Variants in TRIP12 observed in about 807,000 individuals in gnomAD.
TRIP12 encodes the protein thyroid hormone receptor interactor 12, also known as E3 ubiquitin-protein ligase TRIP12.
TRIP12 carries 25 observed loss-of-function variants against 244.2 expected under a neutral mutation model. That is an observed-to-expected ratio of 0.10 (90% confidence interval 0.07 to 0.14). The LOEUF (loss-of-function observed/expected upper bound fraction) is 0.14. Among genes scored for constraint, TRIP12 ranks in the 10% least tolerant of loss-of-function variants. The pLI is 1.00. For missense variants in TRIP12, 1,677 were observed against 2,486.4 expected, an observed-to-expected ratio of 0.67 and a Z score of 6.92; for synonymous variants, 905 against 873.1, an observed-to-expected ratio of 1.04 and a Z score of -0.64.
chr2:229,870,229 C>A (rs2062303789), intron 2 of TRIP12, among the ~76,000 whole-genome samples: 1 of 152,200 alleles, frequency 6.6e-6, no homozygotes, highest in African/African-American at 2.4e-5. Flanking sequence ...TTTATTGCCA[C>A]CTCCATGAAA....
intron 4 of TRIP12, among the ~76,000 whole-genome samples, chr2:229,847,824 C>T (rs2057882583): frequency 6.6e-6 from 1 of 152,038 alleles, no homozygotes; most frequent in African/African-American, 2.4e-5. Context: ...CTCCTGGTTC[C>T]AGCAAAAAAC....
upstream of TRIP12, chr2:229,922,608 A>G (rs1379443271): frequency 8.7e-6 from 14 of 1,613,794 alleles, no homozygotes; most frequent in African/African-American, 1.3e-5. Context: ...ACCCGGTCTC[A>G]GGCAAGTGCG....
intron 19 of TRIP12, 77 bp downstream of exon 19, chr2:229,803,922 T>C (rs988854212): frequency 3.8e-6 from 5 of 1,313,722 alleles, no homozygotes; most frequent in Non-Finnish European, 5.2e-6. Context: ...TTTTTTCTAT[T>C]ATTACTTTAG....
chr2:229,920,729 T>A (rs1260422113), intron 1 of TRIP12, among the ~76,000 whole-genome samples: 1 of 152,044 alleles, frequency 6.6e-6, no homozygotes, highest in African/African-American at 2.4e-5. Flanking sequence ...CCGATTTACA[T>A]GTGTTTTTAT....
chr2:229,920,491 TACAC>T, intron 1 of TRIP12, among the ~76,000 whole-genome samples: 1 of 152,138 alleles, frequency 6.6e-6, no homozygotes, highest in Middle Eastern at 3.4e-3. Flanking sequence ...GCCCAACCTT[TACAC>T]ACAAACACAT....
At chr2:229,848,331 C>T (rs1309921810) in intron 4 of TRIP12, among the ~76,000 whole-genome samples, 6 of 135,446 alleles carry the variant, frequency 4.4e-5, no homozygotes, top group Non-Finnish European at 9.5e-5. Context: ...CCCCCGCCCC[C>T]CCCACACACA....
chr2:229,765,758 A>G lies in TRIP12; in HGVS notation c.*1796T>C, dbSNP rs929070135. Reference sequence around the variant, plus strand: ...TTGTTTCAGTCTTTAACTTCACTTGATGAAGCTGCTCAGCAACTGTGCTGT... The same window carrying G: ...TTGTTTCAGTCTTTAACTTCACTTGGTGAAGCTGCTCAGCAACTGTGCTGT... On this transcript the variant is annotated 3_prime_UTR_variant, in exon 42 of 42. Transcript: ENST00000675903. 1.3e-5 allele frequency: 2 copies of G among 152,230 alleles called. No individual in the cohort carries two copies. The highest frequency in any genetic ancestry group is 3.8e-4 in the East Asian group (2 of 5,196). 9.4% of individuals were successfully genotyped at this position (152,230 alleles called of 1,614,324 possible). A position where few individuals can be genotyped will look rare whatever the true frequency, so the allele number is the denominator to read the frequency against.
At chr2:229,895,456 T>C (rs1272116866) in intron 1 of TRIP12, among the ~76,000 whole-genome samples, 2 of 150,562 alleles carry the variant, frequency 1.3e-5, no homozygotes, top group East Asian at 3.9e-4. Flanking sequence ...AACCAGTAAA[T>C]GATATGAATC....
chr2:229,922,554 G>A (rs2076761020), upstream of TRIP12: 3 of 1,614,052 alleles, frequency 1.9e-6, no homozygotes, highest in East Asian at 2.2e-5. Context: ...GAAACTGTAG[G>A]ACAAGGCCCG....
At chr2:229,827,900 C>T (rs2052181391) in intron 8 of TRIP12, among the ~76,000 whole-genome samples, 1 of 152,104 alleles carries the variant, frequency 6.6e-6, no homozygotes, top group South Asian at 2.1e-4. Context: ...GACAATTCTT[C>T]TTCTTCCAAT....
intron 7 of TRIP12, 58 bp from the exon 8 acceptor site, chr2:229,829,346 T>C: frequency 7.2e-7 from 1 of 1,396,272 alleles, no homozygotes; most frequent in Middle Eastern, 1.8e-4. Flanking sequence ...AACTGATGTA[T>C]CTAAAAATTT....
At chr2:229,871,907 T>C (rs114287513) in intron 2 of TRIP12, among the ~76,000 whole-genome samples, 1,652 of 152,046 alleles carry the variant, frequency 0.011, 17 homozygotes, top group Middle Eastern at 0.02. Flanking sequence ...TAGCTAGTAC[T>C]AACTAGTACT....
chr2:229,876,189 T>C (rs930461367), intron 2 of TRIP12, among the ~76,000 whole-genome samples: 3 of 152,072 alleles, frequency 2.0e-5, no homozygotes, highest in African/African-American at 4.8e-5. Context: ...GGCAGGAGAA[T>C]TGCTAGAACC....
chr2:229,794,391 AC>A (rs1020007285), intron 26 of TRIP12, among the ~76,000 whole-genome samples: 3 of 152,014 alleles, frequency 2.0e-5, no homozygotes, highest in African/African-American at 7.3e-5. Flanking sequence ...ACAAAGTGAG[AC>A]CCCGTCTCTA....
chr2:229,894,361 G>C (rs1026280893), intron 1 of TRIP12: 2 of 152,058 alleles, frequency 1.3e-5, no homozygotes, highest in Non-Finnish European at 2.9e-5. Context: ...CACTTTGGCA[G>C]CACATACACT....
intron 34 of TRIP12, among the ~76,000 whole-genome samples, chr2:229,783,979 G>T (rs1331331176): frequency 6.6e-6 from 1 of 151,228 alleles, no homozygotes; most frequent in Non-Finnish European, 1.5e-5. Flanking sequence ...GCGTGGTGGC[G>T]CATGCCTGTA....
intron 2 of TRIP12, among the ~76,000 whole-genome samples, chr2:229,870,410 G>C (rs961647912): frequency 1.3e-5 from 2 of 152,214 alleles, no homozygotes; most frequent in African/African-American, 4.8e-5. Context: ...AAGCAGTAAC[G>C]TAAGGACAGA....
At chr2:229,793,949 T>C (rs1203424967) in intron 26 of TRIP12, among the ~76,000 whole-genome samples, 2 of 152,056 alleles carry the variant, frequency 1.3e-5, no homozygotes, top group African/African-American at 4.8e-5. Flanking sequence ...AGCCAAAAGA[T>C]TGGACCCTCC....
chr2:229,811,305 C>T (rs549039108), intron 13 of TRIP12, 101 bp from the exon 14 acceptor site: 295 of 1,202,754 alleles, frequency 2.5e-4, no homozygotes, highest in Non-Finnish European at 3.4e-4. Flanking sequence ...TTCTTCAAGG[C>T]AAGCTCAATT....
Sources: allele counts gnomAD v4.1 joint callset (sites outside exome capture counted in the v4.1 genomes callset), GRCh38; gene constraint gnomAD v4.1.1; transcripts MANE v1.5; gene names NCBI Gene and HGNC (gene_info 2026-07-23, HGNC 2026-07-21).